Variants in INTS2 observed in about 807,000 individuals in gnomAD.
INTS2 encodes integrator complex subunit 2, also known as KIAA1287.
Under a neutral mutation model 139.6 loss-of-function variants are expected in INTS2, and 57 were observed. That is an observed-to-expected ratio of 0.41 (90% CI 0.33 to 0.51). INTS2 has a LOEUF of 0.51. Among genes scored for constraint, INTS2 ranks in the 20% least tolerant of loss-of-function variants. The probability of loss-of-function intolerance (pLI) is 0.28; values close to 1 mark genes in which losing one functional copy is unlikely to be tolerated. For synonymous variants in INTS2, 473 were observed against 493.4 expected, an observed-to-expected ratio of 0.96 and a Z score of 0.55; for missense variants, 1,196 against 1,436.7, an observed-to-expected ratio of 0.83 and a Z score of 2.71.
At chr17:61,919,152 T>A (rs184998217) in intron 5 of INTS2, among the ~76,000 whole-genome samples, 1 of 152,068 alleles carries the variant, frequency 6.6e-6, no homozygotes, top group Admixed American at 6.6e-5. Flanking sequence ...CTCAAACTTC[T>A]GACCTTGTGA....
Position 61,867,796 on chromosome 17 carries a change from A to T in INTS2, c.3421+37T>A, listed in dbSNP as rs778739623. 27 of 1,562,418 alleles carry T rather than the reference A, an allele frequency of 1.7e-5. No homozygotes were observed. Among genetic ancestry groups the T allele is most frequent in the Non-Finnish European group, 2.3e-5 (27 of 1,156,800 alleles). ...AAGGAATTTGGCCTTTTTGTTTGAG[A>T]TATTAAGATAACCCTTGAAAATAAG... On this transcript the variant is annotated intron_variant, in intron 24 of 24. Transcript: ENST00000251334. This position sits in a 1 kb window ranked among gnomAD's most constrained non-coding sequence, Gnocchi z 5.6.
chr17:61,869,012 T>TTTGG lies in INTS2; in HGVS notation c.3244+21_3244+22insCCAA, dbSNP rs2145897126. The TTTGG allele has an allele frequency of 7.8e-7, 1 of 1,288,802 alleles. No individual in the cohort carries two copies. Among genetic ancestry groups the TTTGG allele is most frequent in the East Asian group, 2.3e-5 (1 of 43,342 alleles). The allele number at this position is 1,288,802 out of a possible 1,614,324, so 79.8% of individuals were successfully genotyped here. A position where few individuals can be genotyped will look rare whatever the true frequency, so the allele number is the denominator to read the frequency against. On this transcript the variant is annotated intron_variant, in intron 23 of 24. Transcript: ENST00000251334. This position sits in a 1 kb window ranked among gnomAD's most constrained non-coding sequence, Gnocchi z 5.4. Reference sequence around the variant, plus strand: ...TATAATAATTTATGTCAGATGTTTGTTGATGTTGATTGGCTACATACCTGT... The same window carrying TTTGG: ...TATAATAATTTATGTCAGATGTTTGTTTGGTGATGTTGATTGGCTACATACCTGT...
intron 2 of INTS2, 138 bp downstream of exon 2, chr17:61,926,214 T>C: frequency 1.5e-6 from 1 of 647,452 alleles, no homozygotes; most frequent in Non-Finnish European, 2.6e-6. Flanking sequence ...GAACTGTAAC[T>C]ATATACAGAA....
chr17:61,895,475 T>C, intron 11 of INTS2, 92 bp from the exon 12 acceptor site: 1 of 689,342 alleles, frequency 1.5e-6, no homozygotes. Flanking sequence ...ATGATACACA[T>C]AAATGTTCAA....
intron 5 of INTS2, among the ~76,000 whole-genome samples, chr17:61,914,172 T>C (rs983250883): frequency 9.9e-5 from 15 of 151,598 alleles, no homozygotes; most frequent in Middle Eastern, 3.4e-3. Flanking sequence ...ATTAAAGAGA[T>C]GAAGAAATAT....
At chr17:61,895,718 G>A (rs4968458) in intron 11 of INTS2, among the ~76,000 whole-genome samples, 80,566 of 151,710 alleles carry the variant, frequency 0.53, 22,072 homozygotes, top group East Asian at 0.81. Flanking sequence ...CTGTATATAC[G>A]CACATATACA....
In INTS2 at chr17:61,870,904, T is replaced by G. The variant is rs1346539861; in HGVS notation, c.2779-916A>C. On this transcript the variant is annotated intron_variant, in intron 20 of 24. Transcript: ENST00000251334. This position sits in a 1 kb window ranked among gnomAD's most constrained non-coding sequence, Gnocchi z 4.4. ...AATGTGTAACCATGAGCAAGTCACT[T>G]AACTTCTCTGGGTCACATTTTCCTA... Among the ~76,000 whole-genome samples, 1 of 152,188 alleles carries G rather than the reference T, an allele frequency of 6.6e-6. No individual in the cohort carries two copies. Among genetic ancestry groups the G allele is most frequent in the African/African-American group, 2.4e-5 (1 of 41,444 alleles).
Position 61,889,833 on chromosome 17 carries a change from T to A in INTS2, c.1937A>T (p.Tyr646Phe). 1 of 1,611,994 alleles carries A rather than the reference T, an allele frequency of 6.2e-7. No individual in the cohort carries two copies. Among genetic ancestry groups the A allele is most frequent in the Non-Finnish European group, 8.5e-7 (1 of 1,178,438 alleles). Residue 646 changes from tyrosine (Y) to phenylalanine (F), a missense_variant, in exon 15 of 25, where the codon TAT becomes TTT. Tyr to Phe is a conservative substitution (Grantham distance 22). Coordinates refer to ENST00000251334, the MANE Select transcript of INTS2 (RefSeq NM_001351695.2). ...SITAQLLVLYYILSYEEALLA... is the reference protein window; with the variant it reads ...SITAQLLVLYFILSYEEALLA... ...AAGAGCCTCTTCATAAGACAGTATA[T>A]AGTAGAGCACCAAAAGCTGTGCTGT...
chr17:61,919,570 C>A, intron 4 of INTS2, 57 bp from the exon 5 acceptor site: 1 of 879,048 alleles, frequency 1.1e-6, no homozygotes, highest in South Asian at 1.5e-5. Context: ...CCACCACACC[C>A]AGCTAATTTT....
chr17:61,922,509 A>AACATATAT (rs1555626739), intron 3 of INTS2, among the ~76,000 whole-genome samples: 1 of 49,066 alleles, frequency 2.0e-5, no homozygotes, highest in Non-Finnish European at 4.6e-5. Context: ...AAAACAAACA[A>AACATATAT]ACATATATAT....
chr17:61,910,057 A>G (rs897419356), intron 7 of INTS2: 2 of 152,228 alleles, frequency 1.3e-5, no homozygotes, highest in African/African-American at 4.8e-5. Context: ...AATATTATTC[A>G]GCCTTTAAAA....
chr17:61,892,720 G>C (rs375876127), intron 13 of INTS2, among the ~76,000 whole-genome samples: 1 of 151,564 alleles, frequency 6.6e-6, no homozygotes, highest in African/African-American at 2.4e-5. Flanking sequence ...CGAGGTGGGT[G>C]GATCACGTGA....
Position 61,893,474 on chromosome 17 carries a change from T to C in INTS2, c.1698+291A>G, listed in dbSNP as rs933539827. Among the ~76,000 whole-genome samples, 1 of 152,116 alleles carries C rather than the reference T, an allele frequency of 6.6e-6. No individual in the cohort carries two copies. Among genetic ancestry groups the C allele is most frequent in the Non-Finnish European group, 1.5e-5 (1 of 68,032 alleles). On this transcript the variant is annotated intron_variant, in intron 13 of 24. Coordinates refer to ENST00000251334, the MANE Select transcript of INTS2 (RefSeq NM_001351695.2). The surrounding 1 kb of genome is among the most constrained non-coding windows in gnomAD (Gnocchi z 5.4). ...ACTTTGGTCGGTTGAGACAGGCATA[T>C]CACTTGAGGTCAGGAGTTCGACACC...
rs772291551 is a variant in INTS2, at chr17:61,911,513, C to G, written c.954+7G>C. ...ATCCTTAGCCTATACAGATATTTAA[C>G]CCTCACCTGCTGTCCATTTCGGATA... On this transcript the variant is annotated splice_region_variant and intron_variant, in intron 7 of 24. Transcript: ENST00000251334. 1 of 1,613,296 alleles carries G rather than the reference C, an allele frequency of 6.2e-7. No individual in the cohort carries two copies. The highest frequency in any genetic ancestry group is 8.5e-7 in the Non-Finnish European group (1 of 1,179,456).
At chr17:61,898,532 G>A (rs1184825462) in intron 9 of INTS2, among the ~76,000 whole-genome samples, 1 of 152,142 alleles carries the variant, frequency 6.6e-6, no homozygotes, top group Non-Finnish European at 1.5e-5. Flanking sequence ...TCGAGCTCAA[G>A]TGATACGCCT....
At chr17:61,880,926 G>T in intron 17 of INTS2, 81 bp downstream of exon 17, 1 of 1,108,288 alleles carries the variant, frequency 9.0e-7, no homozygotes. Context: ...GGAAAATTCT[G>T]TATGATTATA....
intron 11 of INTS2, 29 bp from the exon 12 acceptor site, chr17:61,895,412 A>G: frequency 1.5e-6 from 2 of 1,334,544 alleles, no homozygotes; most frequent in Non-Finnish European, 1.0e-6. Context: ...TTCCAACAGC[A>G]TGTAAAAATA....
At chr17:61,921,617 T>C (rs2079642069) in intron 4 of INTS2, 108 bp downstream of exon 4, 1 of 492,886 alleles carries the variant, frequency 2.0e-6, no homozygotes, top group Admixed American at 3.7e-5. Context: ...ACATAACATG[T>C]TTGTTATATG....
chr17:61,881,194 AT>A, intron 16 of INTS2, 23 bp from the exon 17 acceptor site: 1 of 1,596,096 alleles, frequency 6.3e-7, no homozygotes, highest in Non-Finnish European at 8.6e-7. Flanking sequence ...CAGAAAATCA[AT>A]TGGATTCTTC....
Sources: allele counts gnomAD v4.1 joint callset (sites outside exome capture counted in the v4.1 genomes callset), GRCh38; gene constraint gnomAD v4.1.1; non-coding constraint Gnocchi (gnomAD v3.1); transcripts MANE v1.5; gene names NCBI Gene and HGNC (gene_info 2026-07-23, HGNC 2026-07-21).